Variants in HS3ST4 observed in about 807,000 individuals in gnomAD.
HS3ST4 encodes the protein heparan sulfate-glucosamine 3-sulfotransferase 4.
HS3ST4 carries 17 observed loss-of-function variants against 29.2 expected under a neutral mutation model. The ratio of observed to expected loss-of-function variants is 0.58; its 90% CI spans 0.40 to 0.87. The LOEUF (loss-of-function observed/expected upper bound fraction) is 0.87. HS3ST4 is among the 40% of genes least tolerant of loss of function. The pLI is 0.00. For missense variants in HS3ST4, 627 were observed against 634.5 expected (o/e 0.99, Z 0.13); for synonymous variants, 314 against 285.7 (o/e 1.10, Z -1.00).
intron 1 of HS3ST4, among the ~76,000 whole-genome samples, chr16:25,718,571 C>G (rs1255663582): frequency 6.6e-6 from 1 of 152,052 alleles, no homozygotes; most frequent in African/African-American, 2.4e-5. Flanking sequence ...CAGGCATGCT[C>G]AAGACTAACT....
chr16:26,043,361 C>A (rs1304497814), intron 1 of HS3ST4, among the ~76,000 whole-genome samples: 3 of 152,130 alleles, frequency 2.0e-5, no homozygotes, highest in Non-Finnish European at 2.9e-5. Context: ...TCTCTCATAC[C>A]TCTCCTCTCT....
At chr16:25,929,011 T>C (rs1009762458) in intron 1 of HS3ST4, among the ~76,000 whole-genome samples, 5 of 151,948 alleles carry the variant, frequency 3.3e-5, no homozygotes, top group African/African-American at 1.2e-4. Flanking sequence ...AGAGTGAACA[T>C]AGGAAACACG....
chr16:26,132,742 C>T (rs1418425839), intron 1 of HS3ST4, among the ~76,000 whole-genome samples: 1 of 152,108 alleles, frequency 6.6e-6, no homozygotes, highest in Non-Finnish European at 1.5e-5. Context: ...TGAGCAGCTG[C>T]TCCTACACTA....
chr16:26,124,248 T>C (rs1234628064), intron 1 of HS3ST4, among the ~76,000 whole-genome samples: 1 of 152,202 alleles, frequency 6.6e-6, no homozygotes, highest in African/African-American at 2.4e-5. Flanking sequence ...AAGGTTTTGC[T>C]CTTTGTTTTA....
intron 1 of HS3ST4, among the ~76,000 whole-genome samples, chr16:25,939,820 G>A (rs1968555352): frequency 6.6e-6 from 1 of 152,278 alleles, no homozygotes; most frequent in Non-Finnish European, 1.5e-5. Context: ...AATGAGGAAG[G>A]TTTGGAAATT....
At chr16:25,724,360 C>T (rs2141590835) in intron 1 of HS3ST4, among the ~76,000 whole-genome samples, 1 of 109,602 alleles carries the variant, frequency 9.1e-6, no homozygotes, top group South Asian at 3.5e-4. Context: ...TAAAGCTCCC[C>T]TCAACTTTTT....
chr16:26,072,209 G>C (rs1469751157), intron 1 of HS3ST4, among the ~76,000 whole-genome samples: 1 of 152,166 alleles, frequency 6.6e-6, no homozygotes, highest in Non-Finnish European at 1.5e-5. Context: ...TGTGTTCTCT[G>C]CTCTCAGAAA....
At chr16:25,693,915 G>A (rs185842575) in intron 1 of HS3ST4, among the ~76,000 whole-genome samples, 2 of 152,302 alleles carry the variant, frequency 1.3e-5, no homozygotes, top group African/African-American at 4.8e-5. Context: ...ACCGTCTGCC[G>A]GTGGTGAGAG....
chr16:25,794,462 A>AT (rs944165845), intron 1 of HS3ST4, among the ~76,000 whole-genome samples: 51 of 141,768 alleles, frequency 3.6e-4, no homozygotes, highest in African/African-American at 8.0e-4. Context: ...AAATGTCCTT[A>AT]TTTTTTTTTT....
intron 1 of HS3ST4, among the ~76,000 whole-genome samples, chr16:26,008,797 C>A (rs139212901): frequency 2.6e-5 from 4 of 152,112 alleles, no homozygotes; most frequent in African/African-American, 9.7e-5. Flanking sequence ...CCAGCCTGGG[C>A]GATAGAGTGA....
At chr16:26,119,451 G>A (rs1027938654) in intron 1 of HS3ST4, among the ~76,000 whole-genome samples, 6 of 152,214 alleles carry the variant, frequency 3.9e-5, no homozygotes, top group Non-Finnish European at 8.8e-5. Context: ...GTGCTGCAGG[G>A]TGCGTAAGGA....
At chr16:25,949,818 A>G (rs1382417391) in intron 1 of HS3ST4, among the ~76,000 whole-genome samples, 5 of 152,158 alleles carry the variant, frequency 3.3e-5, no homozygotes, top group Non-Finnish European at 7.4e-5. Context: ...ATTTTCACTA[A>G]ACTGACCAAG....
intron 1 of HS3ST4, among the ~76,000 whole-genome samples, chr16:25,782,681 A>T (rs1966853761): frequency 6.6e-6 from 1 of 152,172 alleles, no homozygotes; most frequent in African/African-American, 2.4e-5. Flanking sequence ...TGGATAGCCC[A>T]TTTCTCTTTA....
intron 1 of HS3ST4, among the ~76,000 whole-genome samples, chr16:25,983,684 A>G (rs1258829247): frequency 6.6e-6 from 1 of 152,200 alleles, no homozygotes; most frequent in Non-Finnish European, 1.5e-5. Context: ...ATTCTAAGCC[A>G]TACATAGTCT....
chr16:26,025,344 C>A (rs1483537045), intron 1 of HS3ST4: 1 of 154,406 alleles, frequency 6.5e-6, no homozygotes, highest in African/African-American at 2.4e-5. Context: ...CTTGCACTTT[C>A]CATCATCTAT....
chr16:25,924,246 C>G (rs1186034172), intron 1 of HS3ST4, among the ~76,000 whole-genome samples: 1 of 152,186 alleles, frequency 6.6e-6, no homozygotes, highest in African/African-American at 2.4e-5. Context: ...CAAGTCCTGA[C>G]AATTTTACCC....
intron 1 of HS3ST4, among the ~76,000 whole-genome samples, chr16:25,847,059 T>C (rs1967474392): frequency 6.6e-6 from 1 of 151,970 alleles, no homozygotes; most frequent in Non-Finnish European, 1.5e-5. Flanking sequence ...CAGGTAAATT[T>C]TACAGGCAGT....
intron 1 of HS3ST4, among the ~76,000 whole-genome samples, chr16:25,823,038 C>T (rs191419868): frequency 6.6e-5 from 10 of 152,208 alleles, no homozygotes; most frequent in African/African-American, 2.4e-4. Context: ...GCACCCAGCC[C>T]ACAGGATTAC....
Position 25,828,309 on chromosome 16 carries a change from T to C in HS3ST4, c.734+135158T>C, listed in dbSNP as rs1365869993. Among the ~76,000 whole-genome samples the C allele has an allele frequency of 1.4e-3, 146 of 106,348 alleles. 2 individuals are homozygous for C. The highest frequency in any genetic ancestry group is 4.2e-3 in the African/African-American group (108 of 25,738). The allele number at this position is 106,348 out of a possible 152,430, so 69.8% of individuals were successfully genotyped here. On this transcript the variant is annotated intron_variant, in intron 1 of 1. Coordinates refer to ENST00000331351, the MANE Select transcript of HS3ST4 (RefSeq NM_006040.3). ...CTTTCTTTCTTTCTTTCCCTCTCTC[T>C]CTCTCTCTCTCTCTCTCTCTCTCTC...
Sources: allele counts gnomAD v4.1 joint callset (sites outside exome capture counted in the v4.1 genomes callset), GRCh38; gene constraint gnomAD v4.1.1; transcripts MANE v1.5; gene names NCBI Gene and HGNC (gene_info 2026-07-23, HGNC 2026-07-21).